Variants in CEP104 observed in about 807,000 individuals in gnomAD.
CEP104 encodes centrosomal protein of 104 kDa.
In CEP104, 84 loss-of-function variants were observed where a neutral mutation model predicts 113.3. That is an observed-to-expected ratio of 0.74 (90% CI 0.62 to 0.89). The LOEUF (loss-of-function observed/expected upper bound fraction) is 0.89, where lower values mean the gene tolerates loss of function less well. Among genes scored for constraint, CEP104 ranks in the 40% least tolerant of loss-of-function variants. The probability of loss-of-function intolerance (pLI) is 0.00; values close to 1 mark genes in which losing one functional copy is unlikely to be tolerated. For synonymous variants in CEP104, 378 were observed against 421.7 expected (o/e 0.90, Z 1.27); for missense variants, 1,053 against 1,156.6 (o/e 0.91, Z 1.30).
intron 12 of CEP104, among the ~76,000 whole-genome samples, chr1:3,832,408 AGC>A (rs2124662704): frequency 1.6e-5 from 1 of 62,486 alleles, no homozygotes; most frequent in Admixed American, 1.8e-4. Flanking sequence ...CCAGGAGTGT[AGC>A]GTAGGTCCTG....
chr1:3,841,264 G>C (rs776663364), intron 6 of CEP104, among the ~76,000 whole-genome samples: 1 of 152,074 alleles, frequency 6.6e-6, no homozygotes, highest in Admixed American at 6.6e-5. Context: ...ATAGGAATAG[G>C]CCCCCTTTAA....
chr1:3,830,619 G>T (rs1285691427), intron 13 of CEP104, among the ~76,000 whole-genome samples: 1 of 151,644 alleles, frequency 6.6e-6, no homozygotes, highest in East Asian at 1.9e-4. Context: ...TAAAATACAC[G>T]AAAAAATTAG....
intron 6 of CEP104, among the ~76,000 whole-genome samples, chr1:3,842,787 A>T (rs932050665): frequency 6.6e-6 from 1 of 152,106 alleles, no homozygotes; most frequent in Non-Finnish European, 1.5e-5. Flanking sequence ...TTTATTTAAA[A>T]TTTTTTTTGT....
Position 3,823,141 on chromosome 1 carries a change from A to C in CEP104, c.2571+33T>G. Reference sequence around the variant, plus strand: ...ACTGCCATCCACAGGTGTGTCACCTACTTCACTGGTCCCTTCTCCCCAGGC... The same window carrying C: ...ACTGCCATCCACAGGTGTGTCACCTCCTTCACTGGTCCCTTCTCCCCAGGC... On this transcript the variant is annotated intron_variant, in intron 20 of 21. Coordinates refer to ENST00000378230, the MANE Select transcript of CEP104 (RefSeq NM_014704.4). The surrounding 1 kb of genome is among the most constrained non-coding windows in gnomAD (Gnocchi z 4.1). The C allele has an allele frequency of 1.2e-6, 2 of 1,604,542 alleles. No homozygotes were observed. Among genetic ancestry groups the C allele is most frequent in the Non-Finnish European group, 1.7e-6 (2 of 1,171,894 alleles).
chr1:3,837,790 T>C (rs1487949798), intron 8 of CEP104, among the ~76,000 whole-genome samples: 1 of 152,232 alleles, frequency 6.6e-6, no homozygotes, highest in African/African-American at 2.4e-5. Flanking sequence ...AGTGAAGGAA[T>C]GAGCATTTGT....
intron 4 of CEP104, among the ~76,000 whole-genome samples, chr1:3,846,086 C>CAAA (rs5772127): frequency 0.012 from 1,158 of 94,384 alleles, 22 homozygotes; most frequent in South Asian, 0.043. Context: ...AACTCCGTCT[C>CAAA]AAAAAAAAAA....
Position 3,833,651 on chromosome 1 carries a change from AC to A in CEP104, c.1659+210del, listed in dbSNP as rs35801288. The A allele has an allele frequency of 0.39, 164,902 of 422,894 alleles. 32,729 individuals carry two copies. Among genetic ancestry groups the A allele is most frequent in the Admixed American group, 0.45 (11,338 of 25,172 alleles). 26.2% of individuals were successfully genotyped at this position (422,894 alleles called of 1,614,324 possible). A position where few individuals can be genotyped will look rare whatever the true frequency, so the allele number is the denominator to read the frequency against. On this transcript the variant is annotated intron_variant, in intron 12 of 21. Coordinates refer to ENST00000378230, the MANE Select transcript of CEP104 (RefSeq NM_014704.4). Reference sequence around the variant, plus strand: ...TAATGGCATATGTTGGATAAAAAAAACATTGGAAAAACCCAACTGTAGATTT... The same window carrying A: ...TAATGGCATATGTTGGATAAAAAAAAATTGGAAAAACCCAACTGTAGATTT...
At chr1:3,856,823 C>CCCCGCGCCCCCGCGGCG (rs1644743542) in intron 1 of CEP104, 66 bp downstream of exon 1, 1 of 70,478 alleles carries the variant, frequency 1.4e-5, no homozygotes, top group Non-Finnish European at 2.7e-5. Context: ...GGCGCCCGCG[C>CCCCGCGCCCCCGCGGCG]CCCGCGCCCC....
chr1:3,826,284 T>G, intron 17 of CEP104, 86 bp downstream of exon 17: 1 of 1,167,612 alleles, frequency 8.6e-7, no homozygotes, highest in South Asian at 1.3e-5. Context: ...AAGGGCCAAC[T>G]AGGGAGGACG....
At chr1:3,852,525 C>T (rs1644633062) in intron 1 of CEP104, 104 bp from the exon 2 acceptor site, 5 of 1,006,762 alleles carry the variant, frequency 5.0e-6, no homozygotes, top group Admixed American at 6.8e-5. Context: ...CAATAATGCA[C>T]TAAGTATTCA....
chr1:3,833,278 C>A (rs1008082703), intron 12 of CEP104, among the ~76,000 whole-genome samples: 1 of 152,170 alleles, frequency 6.6e-6, no homozygotes, highest in South Asian at 2.1e-4. Context: ...CGTGCCCAGT[C>A]TGGCCTGGAT....
intron 13 of CEP104, among the ~76,000 whole-genome samples, chr1:3,830,751 T>C (rs1393251069): frequency 2.2e-5 from 3 of 135,372 alleles, no homozygotes; most frequent in Non-Finnish European, 4.6e-5. Context: ...ACCTCCAGCC[T>C]GGGCGACAGA....
Position 3,839,718 on chromosome 1 carries a change from C to T in CEP104, c.625G>A (p.Glu209Lys), listed in dbSNP as rs1290451685. 1 of 1,614,090 alleles carries T rather than the reference C, an allele frequency of 6.2e-7. No individual in the cohort carries two copies. ...DLAFDMYQDPEVAQIIRKLDE... is the reference protein window; with the variant it reads ...DLAFDMYQDPKVAQIIRKLDE... ...AATTTTCGTATGATCTGTGCAACTT[C>T]TGGATCTTGGTACATATCAAAAGCT... The change falls in exon 7 of 22, where the codon GAA becomes AAA. Residue 209 changes from glutamate to lysine, a missense_variant. Transcript: ENST00000378230.
chr1:3,821,674 ACCGAG>A (rs1360725906), intron 20 of CEP104, among the ~76,000 whole-genome samples: 2 of 152,168 alleles, frequency 1.3e-5, no homozygotes, highest in Non-Finnish European at 2.9e-5. Flanking sequence ...CCACACTCAC[ACCGAG>A]CCTGTGCACA....
intron 9 of CEP104, chr1:3,837,001 T>C: frequency 1.9e-6 from 1 of 517,452 alleles, no homozygotes; most frequent in Non-Finnish European, 3.4e-6. Context: ...ACTACTAAAG[T>C]AAAGGCTATT....
rs1643819083 is a variant in CEP104, at chr1:3,812,903, C to CA, written c.*2498_*2499insT. 1.4e-5 allele frequency: 2 copies of CA among 145,580 alleles called. No individual in the cohort carries two copies. Among genetic ancestry groups the CA allele is most frequent in the South Asian group, 4.2e-4 (2 of 4,752 alleles). The allele number at this position is 145,580 out of a possible 1,614,324, so 9.0% of individuals were successfully genotyped here. On this transcript the variant is annotated 3_prime_UTR_variant, in exon 22 of 22. Transcript: ENST00000378230. Reference sequence around the variant, plus strand: ...AAAACAACAAAAAAACCCCCTGTAACTAACAAAAGAGGAACCTGTTTTAAA... The same window carrying CA: ...AAAACAACAAAAAAACCCCCTGTAACATAACAAAAGAGGAACCTGTTTTAAA...
At position 3,823,344 on chromosome 1, in the gene CEP104, C is replaced by T. The variant is rs1206042723; in HGVS notation, c.2503+80G>A. The T allele has an allele frequency of 1.2e-6, 2 of 1,611,708 alleles. No homozygotes were observed. The highest frequency in any genetic ancestry group is 2.7e-5 in the African/African-American group (2 of 74,882). ...CCCTTTAATTCACCAAGCCCTTGCA[C>T]AGGCTCAAGAGCAGTGGCACTTCCT... On this transcript the variant is annotated intron_variant, in intron 19 of 21. Coordinates refer to ENST00000378230, the MANE Select transcript of CEP104 (RefSeq NM_014704.4). This position sits in a 1 kb window ranked among gnomAD's most constrained non-coding sequence, Gnocchi z 4.1.
At position 3,837,488 on chromosome 1, in the gene CEP104, G is replaced by A; in HGVS notation, c.923C>T (p.Pro308Leu). 6.2e-7 allele frequency: 1 copy of A among 1,614,194 alleles called. No homozygotes were observed. Among genetic ancestry groups the A allele is most frequent in the Non-Finnish European group, 8.5e-7 (1 of 1,180,032 alleles). Residue 308 changes from proline to leucine, a missense_variant, in exon 9 of 22, where the codon CCC becomes CTC. Physicochemically the swap from Pro to Leu is moderately conservative, Grantham distance 98 (BLOSUM62 -3). Transcript: ENST00000378230. ...GCAAGGACTGCCAGAACGAGCGAGGGGCTGGAGGGGCAAATCAAAAGGTCT... is the reference window on the plus strand; with the variant it reads ...GCAAGGACTGCCAGAACGAGCGAGGAGCTGGAGGGGCAAATCAAAAGGTCT... ...MRRPFDLPLQPLARSGSPCHQ... is the reference protein window; with the variant it reads ...MRRPFDLPLQLLARSGSPCHQ...
At chr1:3,847,017 G>A (rs948931601) in intron 4 of CEP104, among the ~76,000 whole-genome samples, 7 of 152,124 alleles carry the variant, frequency 4.6e-5, no homozygotes, top group African/African-American at 1.7e-4. Context: ...CACGTTGGGA[G>A]GGTTTATTTA....
Sources: gnomAD v4.1 joint callset for allele counts (sites outside exome capture counted in the v4.1 genomes callset) on GRCh38, gnomAD v4.1.1 for gene constraint, Gnocchi (gnomAD v3.1) non-coding constraint, MANE v1.5 for transcripts, NCBI Gene and HGNC (gene_info 2026-07-23, HGNC 2026-07-21) for gene names.